SLC35F3: variants seen among roughly 807,000 people sequenced by gnomAD.
SLC35F3 encodes solute carrier family 35 member F3.
In SLC35F3, 25 loss-of-function variants were observed where a neutral mutation model predicts 49.9. The observed-to-expected ratio is 0.50, with a 90% CI of 0.37 to 0.70. The LOEUF (loss-of-function observed/expected upper bound fraction) is 0.70. Ranked by LOEUF, SLC35F3 falls within the 30% of genes least tolerant of loss-of-function variation. The pLI is 0.00. For synonymous variants in SLC35F3, 275 were observed against 265.4 expected (o/e 1.04, Z -0.35); for missense variants, 525 against 639.8 (o/e 0.82, Z 1.94).
chr1:234,092,979 A>G (rs1665065962), intron 2 of SLC35F3, among the ~76,000 whole-genome samples: 1 of 152,220 alleles, frequency 6.6e-6, no homozygotes, highest in African/African-American at 2.4e-5. Flanking sequence ...TGTTTCATTC[A>G]TTTATGCTTC....
chr1:234,215,528 GC>G (rs1667109107), intron 2 of SLC35F3, among the ~76,000 whole-genome samples: 1 of 152,164 alleles, frequency 6.6e-6, no homozygotes, highest in Admixed American at 6.5e-5. Context: ...TCCCCTCTAG[GC>G]TTTTGCTTGT....
intron 2 of SLC35F3, among the ~76,000 whole-genome samples, chr1:234,173,734 A>G (rs1410034611): frequency 1.3e-5 from 2 of 152,218 alleles, no homozygotes; most frequent in African/African-American, 4.8e-5. Context: ...GCAGTGGGAC[A>G]TTCTGACCAT....
intron 2 of SLC35F3, among the ~76,000 whole-genome samples, chr1:234,133,085 A>G (rs1283328454): frequency 6.6e-6 from 1 of 152,230 alleles, no homozygotes; most frequent in African/African-American, 2.4e-5. Flanking sequence ...CTGGGATTTT[A>G]ATGCAGTATG....
chr1:234,080,881 C>T (rs1305348102), intron 2 of SLC35F3, among the ~76,000 whole-genome samples: 1 of 152,076 alleles, frequency 6.6e-6, no homozygotes, highest in Non-Finnish European at 1.5e-5. Context: ...ACCAGTGAAT[C>T]GTGTACTTTA....
At chr1:234,276,681 C>T (rs10495345) in intron 3 of SLC35F3, among the ~76,000 whole-genome samples, 36,081 of 152,092 alleles carry the variant, frequency 0.24, 4,393 homozygotes, top group Middle Eastern at 0.26. Context: ...CTCTCTATTG[C>T]GACAACTCTC....
At chr1:234,197,630 A>C (rs191694920) in intron 2 of SLC35F3, among the ~76,000 whole-genome samples, 1 of 152,346 alleles carries the variant, frequency 6.6e-6, no homozygotes, top group Non-Finnish European at 1.5e-5. Flanking sequence ...TGAGAGGGGC[A>C]GTTCTCCTGC....
At chr1:234,163,122 G>A (rs60965169) in intron 2 of SLC35F3, among the ~76,000 whole-genome samples, 25,562 of 152,226 alleles carry the variant, frequency 0.17, 6,756 homozygotes, top group African/African-American at 0.56. Context: ...AGGTTGCTCA[G>A]TGCCTATACC....
chr1:234,225,975 A>G (rs1044149476), intron 2 of SLC35F3, among the ~76,000 whole-genome samples: 8 of 152,272 alleles, frequency 5.3e-5, no homozygotes, highest in Non-Finnish European at 1.0e-4. Flanking sequence ...GCAAATTATT[A>G]TAGAGACAGA....
intron 2 of SLC35F3, among the ~76,000 whole-genome samples, chr1:234,117,442 A>AT (rs1311775341): frequency 6.6e-6 from 1 of 152,070 alleles, no homozygotes; most frequent in Non-Finnish European, 1.5e-5. Flanking sequence ...AAATACAAAA[A>AT]TTAGCTGGGT....
intron 2 of SLC35F3, among the ~76,000 whole-genome samples, chr1:234,007,519 C>G (rs1663648563): frequency 6.6e-6 from 1 of 152,178 alleles, no homozygotes; most frequent in South Asian, 2.1e-4. Flanking sequence ...GAGTAGAGGC[C>G]TGGTAAGGAC....
At chr1:234,262,887 C>A (rs1667927090) in intron 3 of SLC35F3, among the ~76,000 whole-genome samples, 1 of 152,220 alleles carries the variant, frequency 6.6e-6, no homozygotes, top group African/African-American at 2.4e-5. Context: ...AGAGCTGAGT[C>A]TCTATTAGGC....
At chr1:233,929,070 C>G (rs1662202565) in intron 2 of SLC35F3, among the ~76,000 whole-genome samples, 1 of 152,100 alleles carries the variant, frequency 6.6e-6, no homozygotes, top group Non-Finnish European at 1.5e-5. Flanking sequence ...CATGGTCAAC[C>G]CCAAGTCAGA....
chr1:234,060,035 C>T (rs561484363), intron 2 of SLC35F3, among the ~76,000 whole-genome samples: 16 of 152,224 alleles, frequency 1.1e-4, no homozygotes, highest in Non-Finnish European at 2.4e-4. Flanking sequence ...TCAATCTAAT[C>T]AAGTTGACAG....
At chr1:234,217,782 A>G (rs1006698477) in intron 2 of SLC35F3, among the ~76,000 whole-genome samples, 1 of 152,018 alleles carries the variant, frequency 6.6e-6, no homozygotes, top group Non-Finnish European at 1.5e-5. Context: ...GGCCTTTTTG[A>G]GGAAGAGGCC....
intron 2 of SLC35F3, among the ~76,000 whole-genome samples, chr1:233,906,862 G>T (rs1392298210): frequency 6.6e-6 from 1 of 152,146 alleles, no homozygotes; most frequent in South Asian, 2.1e-4. Context: ...TTATTTGCAG[G>T]AAGAAACAGG....
intron 2 of SLC35F3, among the ~76,000 whole-genome samples, chr1:233,920,422 G>A (rs1196798023): frequency 6.6e-6 from 1 of 152,212 alleles, no homozygotes; most frequent in Non-Finnish European, 1.5e-5. Context: ...TGAAGGAGGA[G>A]AGATGGTGAC....
At chr1:234,162,504 C>G (rs1666244534) in intron 2 of SLC35F3, among the ~76,000 whole-genome samples, 1 of 151,380 alleles carries the variant, frequency 6.6e-6, no homozygotes, top group South Asian at 2.1e-4. Context: ...GCTGTCTCTC[C>G]TGTATAGCTG....
chr1:234,070,388 C>T (rs1664695283), intron 2 of SLC35F3, among the ~76,000 whole-genome samples: 2 of 152,184 alleles, frequency 1.3e-5, no homozygotes, highest in African/African-American at 4.8e-5. Context: ...CTTCATTTCC[C>T]AGTAGGCTTT....
intron 2 of SLC35F3, among the ~76,000 whole-genome samples, chr1:233,954,587 C>T (rs1208432326): frequency 6.6e-6 from 1 of 152,192 alleles, no homozygotes; most frequent in Non-Finnish European, 1.5e-5. Flanking sequence ...TGGTTTTGGA[C>T]AATGAAATAT....
Sources: allele counts gnomAD v4.1 joint callset (sites outside exome capture counted in the v4.1 genomes callset), GRCh38; gene constraint gnomAD v4.1.1; transcripts MANE v1.5; gene names NCBI Gene and HGNC (gene_info 2026-07-23, HGNC 2026-07-21).